The following FBXO16 variants were observed in gnomAD, a reference collection of about 807,000 sequenced individuals.
FBXO16 encodes F-box only protein 16.
In FBXO16, 31 loss-of-function variants were observed where a neutral mutation model predicts 41.0. The observed-to-expected ratio is 0.76, with a 90% CI of 0.57 to 1.02. FBXO16 has a LOEUF of 1.02. FBXO16 is among the 50% of genes least tolerant of loss of function. The pLI, the probability that FBXO16 is intolerant of heterozygous loss-of-function variation, is 0.00. For synonymous variants in FBXO16, 133 were observed against 117.8 expected, an observed-to-expected ratio of 1.13 and a Z score of -0.84; for missense variants, 361 against 346.2, an observed-to-expected ratio of 1.04 and a Z score of -0.34.
intron 6 of FBXO16, among the ~76,000 whole-genome samples, chr8:28,451,396 T>A (rs1357650871): frequency 7.3e-6 from 1 of 136,952 alleles, no homozygotes; most frequent in Non-Finnish European, 1.6e-5. Flanking sequence ...TTTTTTTTTG[T>A]TTTTTGTTTT....
At position 28,452,473 on chromosome 8, in the gene FBXO16, GTGTC is replaced by G. The variant is rs778438604; in HGVS notation, c.508-1_510del. On this transcript the variant is annotated splice_acceptor_variant and coding_sequence_variant, in exon 6 of 9. Transcript: ENST00000380254. LOFTEE classifies it high-confidence loss of function. The stretch of plus-strand genomic sequence containing the variant: ...GCGATTACAAATCCATCCTTTGGGG[GTGTC>G]TAGAAGAAGAAAGTTAATTATGTTC... 1.2e-6 allele frequency: 2 copies of G among 1,613,374 alleles called. No homozygotes were observed. Among genetic ancestry groups the G allele is most frequent in the African/African-American group, 2.7e-5 (2 of 74,940 alleles).
chr8:28,450,000 G>A (rs1389565206), intron 6 of FBXO16, among the ~76,000 whole-genome samples: 2 of 151,252 alleles, frequency 1.3e-5, no homozygotes, highest in Non-Finnish European at 2.9e-5. Flanking sequence ...AAAAAAGAAG[G>A]GCGATTTGCA....
intron 4 of FBXO16, among the ~76,000 whole-genome samples, chr8:28,459,218 T>C (rs1176895827): frequency 6.6e-6 from 1 of 152,202 alleles, no homozygotes; most frequent in South Asian, 2.1e-4. Context: ...TTGAAGTATA[T>C]ACAAAAGAAA....
At chr8:28,467,328 T>C (rs1428790231) in intron 3 of FBXO16, among the ~76,000 whole-genome samples, 1 of 152,198 alleles carries the variant, frequency 6.6e-6, no homozygotes, top group Non-Finnish European at 1.5e-5. Flanking sequence ...ATGGTGGGCT[T>C]AGGAATAAGA....
intron 2 of FBXO16, among the ~76,000 whole-genome samples, chr8:28,474,677 C>T (rs950968809): frequency 1.3e-5 from 2 of 152,148 alleles, no homozygotes; most frequent in Non-Finnish European, 1.5e-5. Flanking sequence ...TGTGTGTGTG[C>T]ACCTCTGAGC....
Position 28,436,046 on chromosome 8 carries a change from T to C in FBXO16, c.844-6643A>G, listed in dbSNP as rs142049350. On this transcript the variant is annotated intron_variant, in intron 7 of 8. Coordinates refer to ENST00000380254, the MANE Select transcript of FBXO16 (RefSeq NM_172366.4). Reference sequence around the variant, plus strand: ...CCTGTAAATTGCCTAAAGCATAGGTTGGGGGCTGAGGTCATGGGTAGAGAC... The same window carrying C: ...CCTGTAAATTGCCTAAAGCATAGGTCGGGGGCTGAGGTCATGGGTAGAGAC... Among the ~76,000 whole-genome samples the C allele has an allele frequency of 1.6e-4, 25 of 152,260 alleles. 1 individual carries two copies. In the East Asian group the frequency reaches 4.0e-3, roughly 25 times the overall value.
At chr8:28,449,625 ATCT>A (rs1295177471) in intron 6 of FBXO16, among the ~76,000 whole-genome samples, 3 of 151,884 alleles carry the variant, frequency 2.0e-5, no homozygotes, top group African/African-American at 7.3e-5. Flanking sequence ...ACCTGGCCTG[ATCT>A]TCTTGGGAGT....
intron 3 of FBXO16, among the ~76,000 whole-genome samples, chr8:28,471,956 A>G (rs958830067): frequency 6.6e-6 from 1 of 152,140 alleles, no homozygotes; most frequent in Non-Finnish European, 1.5e-5. Flanking sequence ...TGTTAGGTAA[A>G]AACATAACAT....
At chr8:28,435,552 C>T (rs1802675375) in intron 7 of FBXO16, among the ~76,000 whole-genome samples, 1 of 152,074 alleles carries the variant, frequency 6.6e-6, no homozygotes, top group African/African-American at 2.4e-5. Flanking sequence ...ATGCCCCACC[C>T]CCACAGTTGG....
chr8:28,486,020 C>T (rs568922282), intron 1 of FBXO16, among the ~76,000 whole-genome samples: 4 of 150,912 alleles, frequency 2.7e-5, no homozygotes, highest in South Asian at 2.1e-4. Flanking sequence ...GCAGGAGAAT[C>T]GCTTAAACCC....
intron 2 of FBXO16, among the ~76,000 whole-genome samples, chr8:28,474,315 TCAAAAAAAAAA>T (rs1803384492): frequency 1.0e-4 from 1 of 9,760 alleles, no homozygotes; most frequent in African/African-American, 2.9e-4. Flanking sequence ...CCAGACCCTG[TCAAAAAAAAAA>T]AAAAAAAAAA....
chr8:28,449,118 A>G (rs918388055), intron 6 of FBXO16: 10 of 152,188 alleles, frequency 6.6e-5, no homozygotes, highest in African/African-American at 2.4e-4. Context: ...TACGGGGGAC[A>G]GAAGAACCTG....
chr8:28,476,195 A>C (rs529386955), intron 2 of FBXO16, among the ~76,000 whole-genome samples: 2 of 152,356 alleles, frequency 1.3e-5, no homozygotes, highest in East Asian at 3.9e-4. Context: ...GTCAACAAGA[A>C]GGTAGTAGAA....
intron 1 of FBXO16, among the ~76,000 whole-genome samples, chr8:28,485,224 G>A (rs892961828): frequency 3.9e-5 from 6 of 152,104 alleles, no homozygotes; most frequent in East Asian, 3.9e-4. Flanking sequence ...CCAGGCTGCC[G>A]TACAGTGGTG....
In FBXO16 at chr8:28,488,831, T is replaced by C. The variant is rs541281383; in HGVS notation, c.-17+1355A>G. Among the ~76,000 whole-genome samples the C allele has an allele frequency of 2.0e-5, 3 of 152,224 alleles. No homozygotes were observed. The South Asian group carries it at 6.2e-4, about 32-fold the overall frequency. ...CTCGCGTGGAAGTCTAGGTCTGCCA[T>C]GATTTTACCTCCATCTACTCTTTCA... On this transcript the variant is annotated intron_variant, in intron 1 of 8. Coordinates refer to ENST00000380254, the MANE Select transcript of FBXO16 (RefSeq NM_172366.4).
intron 3 of FBXO16, among the ~76,000 whole-genome samples, chr8:28,473,122 G>A (rs1399641709): frequency 1.3e-5 from 2 of 152,258 alleles, no homozygotes; most frequent in Middle Eastern, 3.4e-3. Flanking sequence ...CTGTCTCCCT[G>A]GAACCTCAGC....
chr8:28,479,963 T>G (rs568552278), intron 2 of FBXO16, among the ~76,000 whole-genome samples: 1 of 151,998 alleles, frequency 6.6e-6, no homozygotes, highest in South Asian at 2.1e-4. Context: ...CTTAAACTCT[T>G]GGCCTCAAGC....
intron 4 of FBXO16, among the ~76,000 whole-genome samples, chr8:28,461,641 C>T (rs1223277242): frequency 6.6e-6 from 1 of 151,272 alleles, no homozygotes; most frequent in Admixed American, 6.6e-5. Flanking sequence ...ATTTTTTTCC[C>T]TGCCTACTGT....
At chr8:28,474,352 A>G (rs2116352) in intron 2 of FBXO16, among the ~76,000 whole-genome samples, 46,537 of 127,722 alleles carry the variant, frequency 0.36, 8,824 homozygotes, top group East Asian at 0.62. Flanking sequence ...AAAAAAAAAA[A>G]AGAGAGAGAA....
Sources: gnomAD v4.1 joint callset for allele counts (sites outside exome capture counted in the v4.1 genomes callset) on GRCh38, gnomAD v4.1.1 for gene constraint, MANE v1.5 for transcripts, NCBI Gene and HGNC (gene_info 2026-07-23, HGNC 2026-07-21) for gene names.